Variants in PRKG1 observed in about 807,000 individuals in gnomAD.
PRKG1 encodes the protein cGMP-dependent protein kinase 1.
PRKG1 carries 35 observed loss-of-function variants against 88.1 expected under a neutral mutation model. That is an observed-to-expected ratio of 0.40 (90% CI 0.30 to 0.53). The LOEUF (loss-of-function observed/expected upper bound fraction) is 0.53. PRKG1 is among the 20% of genes least tolerant of loss of function. The pLI is 0.59. For synonymous variants in PRKG1, 303 were observed against 292.5 expected, an observed-to-expected ratio of 1.04 and a Z score of -0.37; for missense variants, 540 against 839.8, an observed-to-expected ratio of 0.64 and a Z score of 4.41.
chr10:51,819,276 T>C (rs1204683206), intron 4 of PRKG1, among the ~76,000 whole-genome samples: 4 of 151,764 alleles, frequency 2.6e-5, no homozygotes, highest in Non-Finnish European at 5.9e-5. Flanking sequence ...AGCAACCAGC[T>C]TTCACAGGAA....
At chr10:51,192,571 A>G (rs990079982) in intron 2 of PRKG1, among the ~76,000 whole-genome samples, 2 of 152,006 alleles carry the variant, frequency 1.3e-5, no homozygotes, top group African/African-American at 4.8e-5. Flanking sequence ...GAGTTAGGAA[A>G]GTGAGCCTGA....
intron 3 of PRKG1, among the ~76,000 whole-genome samples, chr10:51,791,178 AAT>A (rs980872609): frequency 1.3e-5 from 2 of 152,162 alleles, no homozygotes; most frequent in African/African-American, 4.8e-5. Flanking sequence ...GGAAAAATAA[AAT>A]AAAGAAAAAT....
chr10:52,238,450 C>T (rs1255130510), intron 9 of PRKG1, among the ~76,000 whole-genome samples: 2 of 151,936 alleles, frequency 1.3e-5, no homozygotes, highest in East Asian at 3.9e-4. Flanking sequence ...CCAGAATCTA[C>T]AGTGAACTCA....
chr10:51,499,054 A>G (rs914561891), intron 3 of PRKG1, among the ~76,000 whole-genome samples: 1 of 152,192 alleles, frequency 6.6e-6, no homozygotes, highest in African/African-American at 2.4e-5. Context: ...AAGAATGTTA[A>G]TTTATAATAT....
intron 14 of PRKG1, among the ~76,000 whole-genome samples, chr10:52,284,654 T>C (rs1046225037): frequency 6.6e-6 from 1 of 152,104 alleles, no homozygotes; most frequent in Non-Finnish European, 1.5e-5. Flanking sequence ...TGGTCCTGAA[T>C]GTCATATCTA....
chr10:52,054,433 T>A (rs372694318), intron 5 of PRKG1, 51 bp from the exon 6 acceptor site: 30 of 1,387,702 alleles, frequency 2.2e-5, no homozygotes, highest in Non-Finnish European at 2.9e-5. Context: ...CTGAGCTGTT[T>A]GGTAACTTAC....
At chr10:52,059,652 C>T (rs994080846) in intron 6 of PRKG1, among the ~76,000 whole-genome samples, 2 of 151,688 alleles carry the variant, frequency 1.3e-5, no homozygotes, top group Non-Finnish European at 3.0e-5. Context: ...AAATACATAG[C>T]GTGAAGGAGT....
chr10:51,257,350 G>C (rs553639804), intron 2 of PRKG1, among the ~76,000 whole-genome samples: 1 of 152,178 alleles, frequency 6.6e-6, no homozygotes, highest in South Asian at 2.1e-4. Flanking sequence ...GCAAAATCAT[G>C]TGTGGGTCAG....
intron 2 of PRKG1, among the ~76,000 whole-genome samples, chr10:51,384,372 T>C (rs1342754731): frequency 6.6e-6 from 1 of 152,184 alleles, no homozygotes; most frequent in Admixed American, 6.5e-5. Context: ...GAGACCTCAG[T>C]GCTTATGGCA....
intron 4 of PRKG1, among the ~76,000 whole-genome samples, chr10:51,883,382 AG>A (rs1240104134): frequency 1.3e-5 from 2 of 152,230 alleles, no homozygotes; most frequent in African/African-American, 4.8e-5. Flanking sequence ...AGACAAATAT[AG>A]ATAGATGATA....
intron 9 of PRKG1, among the ~76,000 whole-genome samples, chr10:52,222,482 A>G (rs1840271126): frequency 6.6e-6 from 1 of 152,156 alleles, no homozygotes; most frequent in Non-Finnish European, 1.5e-5. Flanking sequence ...ATTCTTCACC[A>G]TTGGAAACCC....
At chr10:51,068,314 C>A (rs1299725439) in intron 1 of PRKG1, among the ~76,000 whole-genome samples, 2 of 149,644 alleles carry the variant, frequency 1.3e-5, no homozygotes, top group African/African-American at 2.5e-5. Flanking sequence ...CCTACTATGT[C>A]TTTTTGCCTG....
chr10:52,027,731 T>C (rs2133204187), intron 5 of PRKG1, among the ~76,000 whole-genome samples: 1 of 152,276 alleles, frequency 6.6e-6, no homozygotes, highest in East Asian at 1.9e-4. Flanking sequence ...AAATAAATAA[T>C]GGATTAACTA....
In PRKG1 at chr10:52,296,841, A is replaced by G. The variant is rs978733465; in HGVS notation, c.*2941A>G. On this transcript the variant is annotated 3_prime_UTR_variant, in exon 18 of 18. Transcript: ENST00000373980. ...TCTTTCTTATTAAGACATGAATCAG[A>G]TCCATGTGGCATTCAAAACAAATTT... 1.3e-5 allele frequency: 2 copies of G among 152,146 alleles called. No homozygotes were observed. Among genetic ancestry groups the G allele is most frequent in the Admixed American group, 1.3e-4 (2 of 15,268 alleles). 9.4% of individuals were successfully genotyped at this position (152,146 alleles called of 1,614,324 possible).
intron 1 of PRKG1, among the ~76,000 whole-genome samples, chr10:51,123,727 C>T (rs952509378): frequency 2.6e-5 from 4 of 150,980 alleles, no homozygotes; most frequent in Non-Finnish European, 5.9e-5. Flanking sequence ...GGCTCTGAGA[C>T]TGGGTAATTT....
Position 52,251,726 on chromosome 10 carries a change from C to T in PRKG1, c.1173+60C>T, listed in dbSNP as rs532478079. On this transcript the variant is annotated intron_variant, in intron 10 of 17. Transcript: ENST00000373980. ...TCTGCTTCCTTTTTAATTTTTTCCC[C>T]TAGATTAAGATTTCTTTCTTTTCTC... The T allele has an allele frequency of 4.0e-5, 53 of 1,339,348 alleles. No individual in the cohort carries two copies. The East Asian group carries it at 1.2e-3, about 30-fold the overall frequency. 83.0% of individuals were successfully genotyped at this position (1,339,348 alleles called of 1,614,324 possible). A position where few individuals can be genotyped will look rare whatever the true frequency, so the allele number is the denominator to read the frequency against.
chr10:51,352,427 G>A (rs184577634), intron 2 of PRKG1, among the ~76,000 whole-genome samples: 5 of 152,082 alleles, frequency 3.3e-5, no homozygotes, highest in African/African-American at 1.2e-4. Flanking sequence ...ATTTCCTTGA[G>A]CAGTGGTTCT....
chr10:51,887,911 T>G (rs1396800945), intron 4 of PRKG1, among the ~76,000 whole-genome samples: 1 of 152,152 alleles, frequency 6.6e-6, no homozygotes, highest in Admixed American at 6.6e-5. Flanking sequence ...TTCAATGGTA[T>G]AAAATTTCTG....
intron 1 of PRKG1, among the ~76,000 whole-genome samples, chr10:51,038,806 A>G (rs1302755354): frequency 6.6e-6 from 1 of 152,200 alleles, no homozygotes; most frequent in African/African-American, 2.4e-5. Flanking sequence ...TGCTTGAGGT[A>G]ATGGATACCC....
Sources: allele counts gnomAD v4.1 joint callset (sites outside exome capture counted in the v4.1 genomes callset), GRCh38; gene constraint gnomAD v4.1.1; transcripts MANE v1.5; gene names NCBI Gene and HGNC (gene_info 2026-07-23, HGNC 2026-07-21).